FSTL1: variants seen among roughly 807,000 people sequenced by gnomAD.
The protein encoded by FSTL1 is follistatin-related protein 1.
Under a neutral mutation model 45.9 loss-of-function variants are expected in FSTL1, and 24 were observed. The observed-to-expected ratio is 0.52, with a 90% CI of 0.38 to 0.74. The LOEUF is 0.74. FSTL1 is among the 30% of genes least tolerant of loss of function. The pLI, the probability that FSTL1 is intolerant of heterozygous loss-of-function variation, is 0.00. For missense variants in FSTL1, 340 were observed against 381.8 expected (o/e 0.89, Z 0.91); for synonymous variants, 120 against 137.6 (o/e 0.87, Z 0.89).
At chr3:120,400,035 G>C (rs567760375) in intron 9 of FSTL1, 76 bp from the exon 10 acceptor site, 1 of 928,056 alleles carries the variant, frequency 1.1e-6, no homozygotes, top group East Asian at 2.6e-5. Flanking sequence ...TCTACCTAGA[G>C]GCTCTCAATT....
At position 120,428,808 on chromosome 3, in the gene FSTL1, G is replaced by A. The variant is rs187726526; in HGVS notation, c.64-12781C>T. On this transcript the variant is annotated intron_variant, in intron 2 of 10. Coordinates refer to ENST00000295633, the MANE Select transcript of FSTL1 (RefSeq NM_007085.5). ...GACAAAGTCCTGGGAATCTCTGGGG[G>A]TAGTGTGGCTGCAAAGCAGTTAAGG... Among the ~76,000 whole-genome samples the A allele has an allele frequency of 1.2e-4, 19 of 152,290 alleles. 1 individual carries two copies. In the East Asian group the frequency reaches 2.7e-3, roughly 22 times the overall value.
At chr3:120,450,066 A>G (rs1937849298) in intron 2 of FSTL1, among the ~76,000 whole-genome samples, 1 of 151,736 alleles carries the variant, frequency 6.6e-6, no homozygotes, top group Non-Finnish European at 1.5e-5. Flanking sequence ...TTAACTGGAA[A>G]CTCGAGCCCC....
chr3:120,433,183 T>C (rs559962830), intron 2 of FSTL1, among the ~76,000 whole-genome samples: 2 of 152,342 alleles, frequency 1.3e-5, no homozygotes, highest in East Asian at 1.9e-4. Context: ...TATATTAAAA[T>C]TGCTGATCAT....
intron 6 of FSTL1, among the ~76,000 whole-genome samples, chr3:120,405,773 A>G (rs1216851843): frequency 6.6e-6 from 1 of 152,242 alleles, no homozygotes; most frequent in African/African-American, 2.4e-5. Context: ...CTGAGACCTC[A>G]GCCATCTGGG....
intron 10 of FSTL1, 140 bp downstream of exon 10, chr3:120,399,743 G>C (rs1936780553): frequency 1.6e-6 from 1 of 630,002 alleles, no homozygotes; most frequent in Non-Finnish European, 2.9e-6. Flanking sequence ...TGATAGTACA[G>C]GTGATGGGGT....
chr3:120,435,957 AAAC>A (rs1937547537), intron 2 of FSTL1, among the ~76,000 whole-genome samples: 1 of 152,212 alleles, frequency 6.6e-6, no homozygotes, highest in Non-Finnish European at 1.5e-5. Context: ...TTTGGAGGAA[AAAC>A]GCAATTACCT....
chr3:120,440,876 GAAGAGCA>G (rs1369874947), intron 2 of FSTL1, among the ~76,000 whole-genome samples: 1 of 152,184 alleles, frequency 6.6e-6, no homozygotes, highest in African/African-American at 2.4e-5. Context: ...AAGATGAAGG[GAAGAGCA>G]AAGAGCAACA....
chr3:120,403,203 C>A (rs1057443156), intron 8 of FSTL1, 39 bp downstream of exon 8: 2 of 1,119,566 alleles, frequency 1.8e-6, no homozygotes, highest in Non-Finnish European at 2.7e-6. Flanking sequence ...CAAAATGCCT[C>A]CATTCACTAC....
At chr3:120,431,593 C>T (rs939749696) in intron 2 of FSTL1, among the ~76,000 whole-genome samples, 8 of 151,500 alleles carry the variant, frequency 5.3e-5, no homozygotes, top group African/African-American at 1.7e-4. Flanking sequence ...GAGGCCAAGG[C>T]GAGACGATTC....
At chr3:120,402,621 A>G (rs2107650045) in intron 9 of FSTL1, among the ~76,000 whole-genome samples, 187 bp downstream of exon 9, 1 of 152,040 alleles carries the variant, frequency 6.6e-6, no homozygotes, top group Middle Eastern at 3.4e-3. Flanking sequence ...CTGAATGCCT[A>G]TGGGATAAAT....
chr3:120,444,643 T>C (rs1424054549), intron 2 of FSTL1, among the ~76,000 whole-genome samples: 1 of 149,658 alleles, frequency 6.7e-6, no homozygotes. Flanking sequence ...GGTATTTTAT[T>C]TAAATAAAAA....
In FSTL1 at chr3:120,395,339, C is replaced by A. The variant is rs1424683074; in HGVS notation, c.*1613G>T. The A allele has an allele frequency of 3.8e-6, 1 of 259,838 alleles. No individual in the cohort carries two copies. The highest frequency in any genetic ancestry group is 1.3e-4 in the East Asian group (1 of 7,472). 16.1% of individuals were successfully genotyped at this position (259,838 alleles called of 1,614,324 possible). A position where few individuals can be genotyped will look rare whatever the true frequency, so the allele number is the denominator to read the frequency against. On this transcript the variant is annotated 3_prime_UTR_variant, in exon 11 of 11. Transcript: ENST00000295633. Reference sequence around the variant, plus strand: ...CAGGGTAGTGAGTGGGGTTAATAATCACAGAAGTCGAAAGACACAGGACTA... The same window carrying A: ...CAGGGTAGTGAGTGGGGTTAATAATAACAGAAGTCGAAAGACACAGGACTA...
chr3:120,440,365 A>G (rs1191670101), intron 2 of FSTL1, among the ~76,000 whole-genome samples: 1 of 152,246 alleles, frequency 6.6e-6, no homozygotes, highest in African/African-American at 2.4e-5. Context: ...GGGTCTCTAC[A>G]ATGCTGAGTG....
chr3:120,432,808 A>C (rs1345914806), intron 2 of FSTL1, among the ~76,000 whole-genome samples: 6 of 152,234 alleles, frequency 3.9e-5, no homozygotes, highest in Non-Finnish European at 8.8e-5. Flanking sequence ...TAAGGAGTTA[A>C]GGCCACAGGT....
chr3:120,424,831 G>A (rs1187696476), intron 2 of FSTL1, among the ~76,000 whole-genome samples: 3 of 152,204 alleles, frequency 2.0e-5, no homozygotes, highest in Admixed American at 6.5e-5. Context: ...AAGGTGTCCC[G>A]TGAGGGTGGG....
At chr3:120,400,174 C>T (rs1936793329) in intron 9 of FSTL1, 2 of 572,540 alleles carry the variant, frequency 3.5e-6, no homozygotes, top group Non-Finnish European at 3.1e-6. Flanking sequence ...TACCCCAACT[C>T]CTCTCTGGCC....
chr3:120,407,675 G>A (rs1196077385), intron 6 of FSTL1, among the ~76,000 whole-genome samples: 2 of 152,210 alleles, frequency 1.3e-5, no homozygotes, highest in Non-Finnish European at 2.9e-5. Flanking sequence ...GGAGGAGGCA[G>A]TCTCCCTTTG....
chr3:120,398,179 T>C (rs749193845), intron 10 of FSTL1, among the ~76,000 whole-genome samples: 36 of 152,232 alleles, frequency 2.4e-4, no homozygotes, highest in Non-Finnish European at 4.9e-4. Context: ...AGTAGTGAGA[T>C]GATTGACAAT....
chr3:120,407,196 A>C (rs748779425), intron 6 of FSTL1, among the ~76,000 whole-genome samples: 4 of 152,186 alleles, frequency 2.6e-5, no homozygotes, highest in African/African-American at 9.7e-5. Context: ...ATGTCATGAG[A>C]TCTGTTCTTG....
Sources: gnomAD v4.1 joint callset for allele counts (sites outside exome capture counted in the v4.1 genomes callset) on GRCh38, gnomAD v4.1.1 for gene constraint, MANE v1.5 for transcripts, NCBI Gene and HGNC (gene_info 2026-07-23, HGNC 2026-07-21) for gene names.